Variants in DZIP3 observed in about 807,000 individuals in gnomAD.
DZIP3 encodes DAZ interacting zinc finger protein 3.
A neutral mutation model predicts 162.0 loss-of-function variants in DZIP3; 118 were observed. The ratio of observed to expected loss-of-function variants is 0.73; its 90% CI spans 0.63 to 0.85. The LOEUF is 0.85. Ranked by LOEUF, DZIP3 falls within the 40% of genes least tolerant of loss-of-function variation. The pLI, the probability that DZIP3 is intolerant of heterozygous loss-of-function variation, is 0.00. For missense variants in DZIP3, 1,331 were observed against 1,407.0 expected (o/e 0.95, Z 0.86); for synonymous variants, 438 against 458.6 (o/e 0.96, Z 0.57).
Position 108,661,968 on chromosome 3 carries a change from G to A in DZIP3, c.2291G>A (p.Cys764Tyr), listed in dbSNP as rs368191750. ...CAGCTTTATAAATTGCACTATCAGT[G>A]TGAAGTAAGTATTTTTGCCATTAGA... ...QRQLYKLHYQ[C>Y]EDFKRQLRTV... Residue 764 changes from cysteine to tyrosine, a missense_variant, in exon 20 of 33, where the codon TGT (cysteine) becomes TAT (tyrosine). Cys to Tyr is a radical substitution (Grantham distance 194, BLOSUM62 -2). Coordinates refer to ENST00000361582, the MANE Select transcript of DZIP3 (RefSeq NM_014648.4). The A allele has an allele frequency of 1.4e-5, 22 of 1,613,002 alleles. No homozygotes were observed. The highest frequency in any genetic ancestry group is 1.7e-5 in the Admixed American group (1 of 59,820).
chr3:108,598,175 CA>C, intron 1 of DZIP3, among the ~76,000 whole-genome samples: 1 of 152,092 alleles, frequency 6.6e-6, no homozygotes, highest in East Asian at 1.9e-4. Flanking sequence ...CATAATTATA[CA>C]CTAAGCTTAT....
intron 15 of DZIP3, among the ~76,000 whole-genome samples, chr3:108,647,326 A>T (rs184965890): frequency 6.6e-6 from 1 of 151,576 alleles, no homozygotes; most frequent in African/African-American, 2.4e-5. Flanking sequence ...TTTTTGTGCT[A>T]TTTTTTTTAA....
At chr3:108,646,490 G>A in intron 14 of DZIP3, 127 bp from the exon 15 acceptor site, 1 of 700,054 alleles carries the variant, frequency 1.4e-6, no homozygotes. Context: ...GAGCAAAGCT[G>A]GTTATTTTTC....
At chr3:108,671,941 T>C (rs1943940732) in intron 22 of DZIP3, among the ~76,000 whole-genome samples, 1 of 151,892 alleles carries the variant, frequency 6.6e-6, no homozygotes, top group African/African-American at 2.4e-5. Flanking sequence ...TACCATTGAT[T>C]GGGTGGCTTA....
At chr3:108,631,787 T>A (rs138562840) in intron 8 of DZIP3, among the ~76,000 whole-genome samples, 1,621 of 151,724 alleles carry the variant, frequency 0.011, 11 homozygotes, top group Middle Eastern at 0.041. Context: ...CTGTTTTATT[T>A]TCTTCTTTCT....
intron 1 of DZIP3, among the ~76,000 whole-genome samples, chr3:108,597,854 C>T (rs1939790199): frequency 6.6e-6 from 1 of 152,096 alleles, no homozygotes; most frequent in Non-Finnish European, 1.5e-5. Context: ...ATATTTTCAG[C>T]ATATTCTCAG....
chr3:108,597,759 C>T (rs149861047), intron 1 of DZIP3, among the ~76,000 whole-genome samples: 81 of 152,142 alleles, frequency 5.3e-4, no homozygotes, highest in African/African-American at 1.8e-3. Context: ...AATATTAAAA[C>T]GTTTTTTACT....
intron 24 of DZIP3, among the ~76,000 whole-genome samples, chr3:108,674,674 T>C (rs1944039869): frequency 6.6e-6 from 1 of 151,936 alleles, no homozygotes; most frequent in African/African-American, 2.4e-5. Flanking sequence ...TATTAACACC[T>C]AAATCGTATG....
rs746963885 is a variant in DZIP3, at chr3:108,688,719, G to A, written c.3397G>A (p.Glu1133Lys). 8 of 1,613,884 alleles carry A rather than the reference G, an allele frequency of 5.0e-6. No homozygotes were observed. The highest frequency in any genetic ancestry group is 6.8e-6 in the Non-Finnish European group (8 of 1,179,978). The change falls in exon 30 of 33, where the codon GAA (glutamate) becomes AAA (lysine). Residue 1133 changes from glutamate to lysine, a missense_variant. Glu to Lys is a moderately conservative substitution (Grantham distance 56). This residue lies in a region of DZIP3 where 1,278 missense variants were observed against 1,317.1 expected (regional missense o/e 0.97). Coordinates refer to ENST00000361582, the MANE Select transcript of DZIP3 (RefSeq NM_014648.4). ...CACTTCACAGGGTCCTGCCACATGG[G>A]AAGGAGCCAGTAATCCAGTGAGACT... Reference protein sequence around the residue: ...PLTSQGPATWEGASNPDEEEE... With the variant: ...PLTSQGPATWKGASNPDEEEE...
At chr3:108,676,582 A>AT (rs931634445) in intron 25 of DZIP3, among the ~76,000 whole-genome samples, 18 of 151,748 alleles carry the variant, frequency 1.2e-4, no homozygotes, top group African/African-American at 3.6e-4. Flanking sequence ...GATAATGTTG[A>AT]TTTTTTTGTG....
At chr3:108,614,302 C>A (rs1297294848) in intron 4 of DZIP3, among the ~76,000 whole-genome samples, 1 of 152,176 alleles carries the variant, frequency 6.6e-6, no homozygotes, top group Non-Finnish European at 1.5e-5. Flanking sequence ...ATACTGTAGT[C>A]ATTGAAGATA....
chr3:108,645,457 G>A (rs900533325), intron 14 of DZIP3, among the ~76,000 whole-genome samples: 7 of 152,264 alleles, frequency 4.6e-5, no homozygotes, highest in Non-Finnish European at 8.8e-5. Flanking sequence ...ATTCATGCAA[G>A]TGTTTGTATT....
chr3:108,663,351 G>A (rs528878748), intron 21 of DZIP3, among the ~76,000 whole-genome samples: 6 of 152,210 alleles, frequency 3.9e-5, no homozygotes, highest in South Asian at 2.1e-4. Context: ...GAGGTTGGGA[G>A]TTCGAAACCA....
chr3:108,683,760 T>C (rs573130857), intron 26 of DZIP3, among the ~76,000 whole-genome samples: 1 of 152,322 alleles, frequency 6.6e-6, no homozygotes, highest in South Asian at 2.1e-4. Context: ...ATATAAAATA[T>C]TTTCTATGGA....
chr3:108,645,335 C>T (rs566845697), intron 14 of DZIP3, among the ~76,000 whole-genome samples: 3 of 152,206 alleles, frequency 2.0e-5, no homozygotes, highest in South Asian at 2.1e-4. Context: ...CAAAGATGTT[C>T]GTTTAGACAC....
intron 19 of DZIP3, among the ~76,000 whole-genome samples, chr3:108,659,292 C>A (rs528543355): frequency 1.3e-5 from 2 of 152,246 alleles, no homozygotes; most frequent in South Asian, 4.2e-4. Flanking sequence ...AGCTTATCCA[C>A]CATGATCAAG....
chr3:108,631,055 A>ACACACATACACT lies in DZIP3; in HGVS notation c.696+1880_696+1881insACACATACACTC. On this transcript the variant is annotated intron_variant, in intron 8 of 32. Coordinates refer to ENST00000361582, the MANE Select transcript of DZIP3 (RefSeq NM_014648.4). Reference sequence around the variant, plus strand: ...CACACACACACACACACACACACACACTCTCTCTCTCTCTCTCTCTCTCTC... The same window carrying ACACACATACACT: ...CACACACACACACACACACACACACACACACATACACTCTCTCTCTCTCTCTCTCTCTCTCTC... Among the ~76,000 whole-genome samples the ACACACATACACT allele has an allele frequency of 4.8e-3, 86 of 18,018 alleles. 6 individuals carry two copies. Among genetic ancestry groups the ACACACATACACT allele is most frequent in the South Asian group, 9.4e-3 (4 of 426 alleles). 11.8% of individuals were successfully genotyped at this position (18,018 alleles called of 152,430 possible).
chr3:108,664,187 A>G (rs148768639), intron 21 of DZIP3, among the ~76,000 whole-genome samples: 1 of 152,288 alleles, frequency 6.6e-6, no homozygotes, highest in African/African-American at 2.4e-5. Flanking sequence ...GAAGCCTTCA[A>G]CCTGGAATTG....
At chr3:108,666,053 GATAA>G (rs1336471318) in intron 21 of DZIP3, among the ~76,000 whole-genome samples, 1 of 152,042 alleles carries the variant, frequency 6.6e-6, no homozygotes, top group Non-Finnish European at 1.5e-5. Flanking sequence ...TAAAGAGTAA[GATAA>G]ATAATAAGAA....
Sources: allele counts gnomAD v4.1 joint callset (sites outside exome capture counted in the v4.1 genomes callset), GRCh38; gene constraint gnomAD v4.1.1; regional missense constraint gnomAD v4.1.1; transcripts MANE v1.5; gene names NCBI Gene and HGNC (gene_info 2026-07-23, HGNC 2026-07-21).